CRELD1: variants seen among roughly 807,000 people sequenced by gnomAD.
The protein encoded by CRELD1 is CRELD disulfide isomerase 1.
CRELD1 carries 42 observed loss-of-function variants against 58.2 expected under a neutral mutation model. The ratio of observed to expected loss-of-function variants is 0.72; its 90% CI spans 0.56 to 0.93. The LOEUF is 0.93. CRELD1 is among the 40% of genes least tolerant of loss of function. The probability of loss-of-function intolerance (pLI) is 0.00; values close to 1 mark genes in which losing one functional copy is unlikely to be tolerated. For synonymous variants in CRELD1, 222 were observed against 202.0 expected (o/e 1.10, Z -0.84); for missense variants, 500 against 540.6 (o/e 0.92, Z 0.74).
At chr3:9,939,075 G>A (rs2085274342) in intron 5 of CRELD1, among the ~76,000 whole-genome samples, 4 of 151,718 alleles carry the variant, frequency 2.6e-5, no homozygotes, top group Admixed American at 2.6e-4. Context: ...GAGCCCAGGA[G>A]TTCGAAGCTG....
chr3:9,943,348 C>T (rs1233897918), intron 9 of CRELD1, 33 bp from the exon 10 acceptor site: 2 of 1,613,650 alleles, frequency 1.2e-6, no homozygotes, highest in Admixed American at 3.3e-5. Context: ...GTGGGGGGCC[C>T]TAGCAGGACT....
intron 7 of CRELD1, 130 bp downstream of exon 7, chr3:9,941,336 AG>A (rs2085360523): frequency 1.4e-6 from 1 of 739,828 alleles, no homozygotes; most frequent in South Asian, 1.8e-5. Context: ...CTGGCTGGGA[AG>A]GCAGAAAAGT....
rs375596443 is a variant in CRELD1 at position 9,943,941 on chromosome 3, C to T, written c.1049-424C>T. On this transcript the variant is annotated intron_variant, in intron 10 of 10. Transcript: ENST00000452070. ...TTAACTGATTTAACCCCTGAAACAACCCGACGCTGGAAGTTGGGTTCTCAT... is the reference window on the plus strand; with the variant it reads ...TTAACTGATTTAACCCCTGAAACAATCCGACGCTGGAAGTTGGGTTCTCAT... The T allele has an allele frequency of 3.4e-6, 5 of 1,470,908 alleles. No homozygotes were observed. The African/African-American group carries it at 4.2e-5, about 12-fold the overall frequency. 91.1% of individuals were successfully genotyped at this position (1,470,908 alleles called of 1,614,324 possible).
chr3:9,940,603 G>A (rs1346107493), intron 5 of CRELD1, among the ~76,000 whole-genome samples: 4 of 151,384 alleles, frequency 2.6e-5, no homozygotes, highest in Non-Finnish European at 5.9e-5. Flanking sequence ...GTTGCAGTGA[G>A]CCGAGATGGC....
At chr3:9,943,295 A>C (rs2085420488) in intron 9 of CRELD1, 86 bp from the exon 10 acceptor site, 1 of 1,603,134 alleles carries the variant, frequency 6.2e-7, no homozygotes, top group African/African-American at 1.4e-5. Flanking sequence ...GCAAGGGCAG[A>C]GGGGAGTGTT....
chr3:9,934,271 A>G (rs923908260), intron 1 of CRELD1, 149 bp from the exon 2 acceptor site: 1 of 635,304 alleles, frequency 1.6e-6, no homozygotes, highest in Non-Finnish European at 2.8e-6. Context: ...TTCCCCACCC[A>G]TCCCCACAGC....
chr3:9,943,933 T>G, intron 10 of CRELD1: 1 of 1,507,282 alleles, frequency 6.6e-7, no homozygotes, highest in Non-Finnish European at 9.2e-7. Context: ...ATTTAACCCC[T>G]GAAACAACCC....
At position 9,934,619 on chromosome 3, in the gene CRELD1, G is replaced by A. The variant is rs1226279634; in HGVS notation, c.174+7G>A. The stretch of plus-strand genomic sequence containing the variant: ...GGTTGACAGCTTTAACAAGGTGGGT[G>A]CACCGGCAGCCTCGTTAGAGGGGAA... On this transcript the variant is annotated splice_region_variant and intron_variant, in intron 2 of 10. Transcript: ENST00000452070. 5 of 1,612,046 alleles carry A rather than the reference G, an allele frequency of 3.1e-6. No individual in the cohort carries two copies. In the South Asian group the frequency reaches 5.5e-5, roughly 18 times the overall value.
In CRELD1 at chr3:9,942,872, A is replaced by C; in HGVS notation, c.793A>C (p.Thr265Pro). Reference protein sequence around the residue: ...NCGADQFCVNTEGSYECRDCA... With the variant: ...NCGADQFCVNPEGSYECRDCA... ...TGGAGCTGACCAATTCTGCGTGAACACTGAGGGCTCCTATGAGTGCCGAGG... is the reference window on the plus strand; with the variant it reads ...TGGAGCTGACCAATTCTGCGTGAACCCTGAGGGCTCCTATGAGTGCCGAGG... Residue 265 changes from threonine (T) to proline (P), a missense_variant, in exon 8 of 11, where the codon ACT (threonine) becomes CCT (proline). Physicochemically the swap from Thr to Pro is conservative, Grantham distance 38. Transcript: ENST00000452070. 1 of 1,614,180 alleles carries C rather than the reference A, an allele frequency of 6.2e-7. No homozygotes were observed. The highest frequency in any genetic ancestry group is 8.5e-7 in the Non-Finnish European group (1 of 1,179,998).
intron 5 of CRELD1, among the ~76,000 whole-genome samples, chr3:9,939,639 A>G (rs1268776201): frequency 2.6e-5 from 4 of 152,206 alleles, no homozygotes; most frequent in African/African-American, 9.7e-5. Flanking sequence ...CAGAGAGCAC[A>G]GGGTTGGGGA....
intron 2 of CRELD1, 64 bp downstream of exon 2, chr3:9,934,676 G>A: frequency 6.3e-7 from 1 of 1,581,450 alleles, no homozygotes; most frequent in Non-Finnish European, 8.7e-7. Flanking sequence ...ACTCTGGGAT[G>A]CAAATCTGCG....
intron 5 of CRELD1, chr3:9,938,452 TCA>T (rs2124834558): frequency 3.1e-6 from 1 of 324,858 alleles, no homozygotes. Context: ...CCATCCATCC[TCA>T]CACACAGTCC....
rs2085425627 is a variant in CRELD1, at chr3:9,943,425, C to T, written c.958C>T (p.Gln320Ter). 6.2e-7 allele frequency: 1 copy of T among 1,614,002 alleles called. No individual in the cohort carries two copies. The highest frequency in any genetic ancestry group is 8.5e-7 in the Non-Finnish European group (1 of 1,180,000). ...AGAGGTGTGTCCGGGAGAGAACAAGCAGTGTGAAAACACCGAGGGCGGTTA... is the reference window on the plus strand; with the variant it reads ...AGAGGTGTGTCCGGGAGAGAACAAGTAGTGTGAAAACACCGAGGGCGGTTA... ...ETEVCPGENK[Q>*]CENTEGGYRC... Residue 320 changes from glutamine to a stop codon, truncating the protein, a stop_gained, in exon 10 of 11, where the codon CAG (glutamine) becomes TAG (stop). Transcript: ENST00000452070. LOFTEE classifies it high-confidence loss of function.
At chr3:9,936,797 T>C (rs1385778269) in intron 3 of CRELD1, among the ~76,000 whole-genome samples, 1 of 152,196 alleles carries the variant, frequency 6.6e-6, no homozygotes, top group Non-Finnish European at 1.5e-5. Context: ...GCTGATTTCA[T>C]TGGAATCATA....
Position 9,941,178 on chromosome 3 carries a change from C to A in CRELD1, c.705C>A (p.Gly235=). 2 of 1,614,136 alleles carry A rather than the reference C, an allele frequency of 1.2e-6. No individual in the cohort carries two copies. Among genetic ancestry groups the A allele is most frequent in the South Asian group, 2.2e-5 (2 of 91,072 alleles). The change falls in exon 7 of 11, where the codon GGC becomes GGA. Residue 235 remains glycine (G), a synonymous_variant. Coordinates refer to ENST00000452070, the MANE Select transcript of CRELD1 (RefSeq NM_001077415.3). ...CAAACTGTTTGCAATGCAAGAAGGGCTGGGCCCTGCATCACCTCAAGTGTG... is the reference window on the plus strand; with the variant it reads ...CAAACTGTTTGCAATGCAAGAAGGGATGGGCCCTGCATCACCTCAAGTGTG... ...EESNCLQCKK[G]WALHHLKCVD...
chr3:9,935,137 T>C (rs1035102511), intron 3 of CRELD1: 3 of 533,672 alleles, frequency 5.6e-6, no homozygotes, highest in Non-Finnish European at 1.0e-5. Context: ...AATAATATTA[T>C]GTCAGATGAA....
chr3:9,945,328 G>C lies in CRELD1; in HGVS notation c.*749G>C, dbSNP rs971378547. The C allele has an allele frequency of 1.9e-5, 3 of 154,758 alleles. No individual in the cohort carries two copies. Among genetic ancestry groups the C allele is most frequent in the African/African-American group, 7.2e-5 (3 of 41,448 alleles). 9.6% of individuals were successfully genotyped at this position (154,758 alleles called of 1,614,324 possible). A position where few individuals can be genotyped will look rare whatever the true frequency, so the allele number is the denominator to read the frequency against. On this transcript the variant is annotated 3_prime_UTR_variant, in exon 11 of 11. Coordinates refer to ENST00000452070, the MANE Select transcript of CRELD1 (RefSeq NM_001077415.3). ...AGGCTTAACATGAGAATTAAATGAG[G>C]TGACAAATGTGAAGACCTGGACAGT...
At chr3:9,934,230 T>C (rs954812742) in intron 1 of CRELD1, 190 bp from the exon 2 acceptor site, 23 of 595,670 alleles carry the variant, frequency 3.9e-5, no homozygotes, top group Non-Finnish European at 6.9e-5. Context: ...GGATAACTTA[T>C]TTCTCTTCTG....
intron 3 of CRELD1, chr3:9,935,926 G>C (rs535946944): frequency 6.6e-6 from 1 of 152,196 alleles, no homozygotes; most frequent in Admixed American, 6.5e-5. Context: ...TATATAGTCA[G>C]TATGTAAAGA....
Sources: gnomAD v4.1 joint callset for allele counts (sites outside exome capture counted in the v4.1 genomes callset) on GRCh38, gnomAD v4.1.1 for gene constraint, MANE v1.5 for transcripts, NCBI Gene and HGNC (gene_info 2026-07-23, HGNC 2026-07-21) for gene names.